The following FAM153A variants were observed in gnomAD, a reference collection of about 807,000 sequenced individuals.
FAM153A encodes protein FAM153A.
FAM153A carries 12 observed loss-of-function variants against 48.1 expected under a neutral mutation model. The observed-to-expected ratio is 0.25, with a 90% CI of 0.16 to 0.40. The LOEUF is 0.40. Ranked by LOEUF, FAM153A falls within the 10% of genes least tolerant of loss-of-function variation. The pLI, the probability that FAM153A is intolerant of heterozygous loss-of-function variation, is 1.00. For missense variants in FAM153A, 111 were observed against 345.8 expected (o/e 0.32, Z 5.38); for synonymous variants, 36 against 118.2 (o/e 0.30, Z 4.51).
intron 10 of FAM153A, among the ~76,000 whole-genome samples, chr5:177,738,417 G>A (rs1308353534): frequency 6.6e-6 from 1 of 151,400 alleles, no homozygotes; most frequent in Non-Finnish European, 1.5e-5. Context: ...CCTACACTGA[G>A]TTATGTGACC....
chr5:177,718,975 G>T (rs1760490553), downstream of FAM153A, among the ~76,000 whole-genome samples: 2 of 151,342 alleles, frequency 1.3e-5, no homozygotes, highest in Non-Finnish European at 2.9e-5. Flanking sequence ...TCACCTCCCA[G>T]ATTCAAGCCA....
the FAM153A span, among the ~76,000 whole-genome samples, chr5:177,702,383 C>T: frequency 2.6e-5 from 4 of 151,770 alleles, no homozygotes; most frequent in African/African-American, 9.7e-5. Flanking sequence ...TAACAACCTA[C>T]ACTCATATGC....
chr5:177,781,264 ATTTTTT>A (rs1303137176), upstream of FAM153A, among the ~76,000 whole-genome samples: 32 of 75,266 alleles, frequency 4.3e-4, 1 homozygote, highest in Non-Finnish European at 5.2e-4. Context: ...ACGCCCGGCT[ATTTTTT>A]TTTTTTTTTT....
intron 1 of FAM153A, among the ~76,000 whole-genome samples, chr5:177,779,103 T>C (rs1297948460): frequency 6.6e-6 from 1 of 151,778 alleles, no homozygotes; most frequent in Admixed American, 6.5e-5. Context: ...GAGTTCCTTT[T>C]ACTTGCTTCT....
chr5:177,730,672 T>C (rs1323289358), intron 16 of FAM153A, among the ~76,000 whole-genome samples: 1 of 141,988 alleles, frequency 7.0e-6, no homozygotes, highest in Non-Finnish European at 1.5e-5. Flanking sequence ...AGGAAGAAAC[T>C]ATACAAGGGC....
At chr5:177,770,160 C>T (rs530826408) in intron 1 of FAM153A, among the ~76,000 whole-genome samples, 4 of 128,490 alleles carry the variant, frequency 3.1e-5, no homozygotes, top group Admixed American at 8.1e-5. Flanking sequence ...GGTCTTATTT[C>T]CAACCCAAGG....
chr5:177,781,876 G>A (rs1582557478), upstream of FAM153A, among the ~76,000 whole-genome samples: 1 of 85,262 alleles, frequency 1.2e-5, no homozygotes, highest in South Asian at 4.4e-4. Flanking sequence ...CCGCCACCAC[G>A]CCCGGCTAAT....
chr5:177,782,983 G>T (rs1465062761), upstream of FAM153A: 42 of 94,674 alleles, frequency 4.4e-4, no homozygotes, highest in African/African-American at 1.6e-3. Flanking sequence ...GGGCCCGCCT[G>T]GCCGTGTAGC....
chr5:177,697,581 G>T, the FAM153A span, among the ~76,000 whole-genome samples: 3 of 151,878 alleles, frequency 2.0e-5, no homozygotes, highest in Non-Finnish European at 4.4e-5. Context: ...AGCCTGAGGT[G>T]CTGGAGGAGT....
intron 16 of FAM153A, among the ~76,000 whole-genome samples, chr5:177,730,566 C>A (rs1274740754): frequency 8.3e-6 from 1 of 120,298 alleles, no homozygotes; most frequent in Non-Finnish European, 1.9e-5. Context: ...CCTGGGTTAG[C>A]TGACCATTGA....
intron 1 of FAM153A, among the ~76,000 whole-genome samples, chr5:177,769,212 G>A (rs1768961089): frequency 1.7e-5 from 1 of 60,420 alleles, no homozygotes; most frequent in Non-Finnish European, 3.0e-5. Flanking sequence ...CAGCCTGGGC[G>A]ACAGCGAGAC....
rs1405405976 is a variant in FAM153A, at chr5:177,758,577, A to G, written c.-56-9878T>C. Among the ~76,000 whole-genome samples, 18 of 139,292 alleles carry G rather than the reference A, an allele frequency of 1.3e-4. 3 individuals are homozygous for G. The highest frequency in any genetic ancestry group is 1.1e-3 in the Admixed American group (15 of 14,154). The allele number at this position is 139,292 out of a possible 152,430, so 91.4% of individuals were successfully genotyped here. ...ATCATGCTACCTGACTTCAAACTAT[A>G]CTACAAGGCTACAGTAACCAAAACA... On this transcript the variant is annotated intron_variant, in intron 1 of 8. Transcript: ENST00000393518.
At chr5:177,778,970 A>G (rs1256716115) in intron 1 of FAM153A, among the ~76,000 whole-genome samples, 8 of 111,462 alleles carry the variant, frequency 7.2e-5, no homozygotes, top group Non-Finnish European at 1.3e-4. Context: ...CCTGGGCAAC[A>G]TAGAGAGAGC....
intron 1 of FAM153A, among the ~76,000 whole-genome samples, chr5:177,752,618 CAAAAAA>C (rs71274705): frequency 2.8e-3 from 86 of 31,004 alleles, no homozygotes; most frequent in African/African-American, 0.015. Flanking sequence ...GAGACTCTGC[CAAAAAA>C]AAAAAAAAAA....
At chr5:177,737,052 T>A (rs147185995) in exon 11 of FAM153A, 1 of 1,517,310 alleles carries the variant, frequency 6.6e-7, no homozygotes, top group Admixed American at 1.9e-5. Context: ...CGTGTGAACT[T>A]CTGTGGCTTC....
chr5:177,707,553 A>AT (rs769476502), downstream of FAM153A, among the ~76,000 whole-genome samples: 3 of 151,924 alleles, frequency 2.0e-5, no homozygotes, highest in Non-Finnish European at 2.9e-5. Flanking sequence ...CTAAAAATTG[A>AT]TTTGAATATG....
At chr5:177,740,607 A>T (rs527584101) in intron 8 of FAM153A, among the ~76,000 whole-genome samples, 170 bp downstream of exon 10, 1 of 118,082 alleles carries the variant, frequency 8.5e-6, no homozygotes, top group African/African-American at 2.8e-5. Flanking sequence ...TTTGAGATGA[A>T]ATCTCACTGT....
At chr5:177,729,658 T>C (rs1763420464) in intron 16 of FAM153A, 103 bp from the exon 19 acceptor site, 7 of 1,587,752 alleles carry the variant, frequency 4.4e-6, no homozygotes, top group Non-Finnish European at 5.1e-6. Flanking sequence ...AAAGGTGTGT[T>C]CACAGCACAG....
Position 177,728,377 on chromosome 5 carries a change from G to A in FAM153A, c.964+646C>T, listed in dbSNP as rs935646896. On this transcript the variant is annotated intron_variant, in intron 18 of 20. Transcript: ENST00000614127. ...TCCTCGTGTTGTGCTTTGAACATGG[G>A]AGTATGTTTTCTGGGGAAATGCACA... Among the ~76,000 whole-genome samples, 23 of 149,378 alleles carry A rather than the reference G, an allele frequency of 1.5e-4. 1 individual carries two copies. Among genetic ancestry groups the A allele is most frequent in the African/African-American group, 5.3e-4 (21 of 39,372 alleles).
Sources: allele counts gnomAD v4.1 joint callset (sites outside exome capture counted in the v4.1 genomes callset), GRCh38; gene constraint gnomAD v4.1.1; transcripts MANE v1.5; gene names NCBI Gene and HGNC (gene_info 2026-07-23, HGNC 2026-07-21).